Variants in IFFO2 observed in about 807,000 individuals in gnomAD.
IFFO2 encodes the protein intermediate filament family orphan 2.
A neutral mutation model predicts 53.5 loss-of-function variants in IFFO2; 19 were observed. The ratio of observed to expected loss-of-function variants is 0.36; its 90% CI spans 0.25 to 0.52. The LOEUF is 0.52. Among genes scored for constraint, IFFO2 ranks in the 20% least tolerant of loss-of-function variants. IFFO2 has a pLI of 0.94. For missense variants in IFFO2, 570 were observed against 727.4 expected (o/e 0.78, Z 2.49); for synonymous variants, 303 against 313.6 (o/e 0.97, Z 0.36).
At chr1:18,908,895 C>T (rs1307323595) in intron 8 of IFFO2, among the ~76,000 whole-genome samples, 7 of 152,152 alleles carry the variant, frequency 4.6e-5, no homozygotes, top group Non-Finnish European at 8.8e-5. Context: ...GAAGAAAGCC[C>T]CTTGGGAGCT....
Position 18,921,137 on chromosome 1 carries a change from G to A in IFFO2, c.666-16C>T. On this transcript the variant is annotated splice_polypyrimidine_tract_variant and intron_variant, in intron 1 of 8. Coordinates refer to ENST00000455833, the MANE Select transcript of IFFO2 (RefSeq NM_001136265.2). ...CTCCTCCCACCTGCAAAAGCCAAGAGGAACAGGTGGTCAGAAGGTGAGTTC... is the reference window on the plus strand; with the variant it reads ...CTCCTCCCACCTGCAAAAGCCAAGAAGAACAGGTGGTCAGAAGGTGAGTTC... 6.4e-7 allele frequency: 1 copy of A among 1,551,516 alleles called. No individual in the cohort carries two copies. Among genetic ancestry groups the A allele is most frequent in the Non-Finnish European group, 8.7e-7 (1 of 1,146,708 alleles).
chr1:18,946,476 G>A (rs562376198), intron 1 of IFFO2, among the ~76,000 whole-genome samples: 12 of 145,918 alleles, frequency 8.2e-5, no homozygotes, highest in East Asian at 2.0e-4. Flanking sequence ...GTGCAGTGGC[G>A]AGATCTCGGT....
chr1:18,945,560 C>T (rs982559144), intron 1 of IFFO2, among the ~76,000 whole-genome samples: 8 of 152,236 alleles, frequency 5.3e-5, no homozygotes, highest in African/African-American at 4.8e-5. Context: ...GCGCTGTCTC[C>T]GCTGCAGGGG....
Position 18,918,270 on chromosome 1 carries a change from T to A in IFFO2, c.963+92A>T, listed in dbSNP as rs1936164021. 1.4e-5 allele frequency: 18 copies of A among 1,276,748 alleles called. No homozygotes were observed. In the South Asian group the frequency reaches 2.5e-4, roughly 18 times the overall value. The allele number at this position is 1,276,748 out of a possible 1,614,324, so 79.1% of individuals were successfully genotyped here. ...GGAAGGGGAGGGAGTGAGTGGGATG[T>A]GGAGGCAAACGGGTTGGCCGGGCAG... On this transcript the variant is annotated intron_variant, in intron 4 of 8. Transcript: ENST00000455833. This position sits in a 1 kb window ranked among gnomAD's most constrained non-coding sequence, Gnocchi z 5.2.
At chr1:18,920,825 C>A (rs1936206325) in intron 2 of IFFO2, among the ~76,000 whole-genome samples, 1 of 152,338 alleles carries the variant, frequency 6.6e-6, no homozygotes, top group African/African-American at 2.4e-5. Flanking sequence ...TGGACCCAGG[C>A]TTCTCAACCC....
chr1:18,932,516 C>T (rs1179178643), intron 1 of IFFO2, among the ~76,000 whole-genome samples: 1 of 152,244 alleles, frequency 6.6e-6, no homozygotes, highest in East Asian at 1.9e-4. Flanking sequence ...AGCACTTGAC[C>T]GCCTGTGCTC....
rs1354387752 is a variant in IFFO2, at chr1:18,917,803, G to T, written c.963+559C>A. Among the ~76,000 whole-genome samples the T allele has an allele frequency of 1.3e-5, 2 of 152,156 alleles. No homozygotes were observed. The highest frequency in any genetic ancestry group is 4.8e-5 in the African/African-American group (2 of 41,432). On this transcript the variant is annotated intron_variant, in intron 4 of 8. Transcript: ENST00000455833. The surrounding 1 kb of genome is among the most constrained non-coding windows in gnomAD (Gnocchi z 5.9). ...CAGCCTCACTGGCGCTAACCTGATC[G>T]CCGTCTCTCGGGGGCACCCACACTT...
At chr1:18,943,964 T>A (rs1569863129) in intron 1 of IFFO2, among the ~76,000 whole-genome samples, 1 of 151,802 alleles carries the variant, frequency 6.6e-6, no homozygotes, top group Non-Finnish European at 1.5e-5. Context: ...CCTCTGGGAG[T>A]TTTCCAAACC....
In IFFO2 at chr1:18,917,414, G is replaced by A. The variant is rs182689037; in HGVS notation, c.964-372C>T. Among the ~76,000 whole-genome samples the A allele has an allele frequency of 1.3e-4, 20 of 152,268 alleles. No homozygotes were observed. Among genetic ancestry groups the A allele is most frequent in the African/African-American group, 4.6e-4 (19 of 41,552 alleles). On this transcript the variant is annotated intron_variant, in intron 4 of 8. Coordinates refer to ENST00000455833, the MANE Select transcript of IFFO2 (RefSeq NM_001136265.2). This position sits in a 1 kb window ranked among gnomAD's most constrained non-coding sequence, Gnocchi z 5.9. ...AGAGAGATGGAGAACCCCTGACAAA[G>A]GCTATACGGCCCCATGCTGACCAGA...
intron 5 of IFFO2, among the ~76,000 whole-genome samples, chr1:18,912,399 GC>G (rs1936054729): frequency 6.6e-6 from 1 of 151,984 alleles, no homozygotes; most frequent in Admixed American, 6.6e-5. Flanking sequence ...TCATTTAACA[GC>G]TATTTCTTGA....
At chr1:18,912,833 G>C (rs890893203) in intron 5 of IFFO2, among the ~76,000 whole-genome samples, 1 of 152,200 alleles carries the variant, frequency 6.6e-6, no homozygotes, top group Admixed American at 6.5e-5. Flanking sequence ...CAAAGCCTGG[G>C]AGATGTCAAG....
At chr1:18,923,323 T>C (rs1936239923) in intron 1 of IFFO2, among the ~76,000 whole-genome samples, 1 of 152,046 alleles carries the variant, frequency 6.6e-6, no homozygotes, top group African/African-American at 2.4e-5. Context: ...TGAGCAACCA[T>C]CTCATGAGGA....
chr1:18,931,009 A>T lies in IFFO2; in HGVS notation c.666-9888T>A, dbSNP rs573217735. ...AACATAGTGAGATCCCATCCCTACAAAAAATTTTAAAAATTAGCCAGGCAT... is the reference window on the plus strand; with the variant it reads ...AACATAGTGAGATCCCATCCCTACATAAAATTTTAAAAATTAGCCAGGCAT... On this transcript the variant is annotated intron_variant, in intron 1 of 8. Coordinates refer to ENST00000455833, the MANE Select transcript of IFFO2 (RefSeq NM_001136265.2). Among the ~76,000 whole-genome samples, 45 of 152,202 alleles carry T rather than the reference A, an allele frequency of 3.0e-4. No individual in the cohort carries two copies. In the South Asian group the frequency reaches 3.7e-3, roughly 13 times the overall value.
chr1:18,918,406 C>T lies in IFFO2; in HGVS notation c.919G>A (p.Val307Ile). Reference protein sequence around the residue: ...RIDITAKLCDVAQQRNSEDVS... With the variant: ...RIDITAKLCDIAQQRNSEDVS... Reference sequence around the variant, plus strand: ...TCTTCTGAGTTCCGCTGCTGTGCGACATCGCACAGCTTGGCCGTGATATCG... The same window carrying T: ...TCTTCTGAGTTCCGCTGCTGTGCGATATCGCACAGCTTGGCCGTGATATCG... The change falls in exon 4 of 9, where the codon GTC (valine) becomes ATC (isoleucine). Residue 307 changes from valine (V) to isoleucine (I), a missense_variant. Physicochemically the swap from Val to Ile is conservative, Grantham distance 29. Coordinates refer to ENST00000455833, the MANE Select transcript of IFFO2 (RefSeq NM_001136265.2). This position sits in a 1 kb window ranked among gnomAD's most constrained non-coding sequence, Gnocchi z 5.2. 6.4e-7 allele frequency: 1 copy of T among 1,555,270 alleles called. No homozygotes were observed. Among genetic ancestry groups the T allele is most frequent in the Non-Finnish European group, 8.7e-7 (1 of 1,148,816 alleles).
chr1:18,945,740 G>A (rs967365112), intron 1 of IFFO2, among the ~76,000 whole-genome samples: 3 of 152,202 alleles, frequency 2.0e-5, no homozygotes, highest in Non-Finnish European at 4.4e-5. Flanking sequence ...AGGCCCAAAC[G>A]CCATTCGATT....
intron 1 of IFFO2, among the ~76,000 whole-genome samples, chr1:18,939,141 G>A (rs1936488994): frequency 6.6e-6 from 1 of 152,340 alleles, no homozygotes; most frequent in African/African-American, 2.4e-5. Flanking sequence ...GCCACAGGGT[G>A]GGTGGGAGCG....
At chr1:18,911,570 G>A (rs1936040963) in intron 6 of IFFO2, 94 bp from the exon 7 acceptor site, 10 of 567,300 alleles carry the variant, frequency 1.8e-5, no homozygotes, top group Middle Eastern at 6.0e-4. Context: ...ACGGAGTCTC[G>A]CTCTGTCACC....
intron 1 of IFFO2, among the ~76,000 whole-genome samples, chr1:18,938,363 G>C (rs528933147): frequency 5.9e-5 from 9 of 152,208 alleles, no homozygotes; most frequent in Non-Finnish European, 1.3e-4. Flanking sequence ...GGAGGCTACT[G>C]GGAGGGCTGC....
Position 18,916,891 on chromosome 1 carries a change from G to A in IFFO2, c.1103+12C>T, listed in dbSNP as rs28661644. ...GGGAAACGGAGAGTGTGCGGGCCAC[G>A]GGGATACTCACAGCTGGTTAAACAT... On this transcript the variant is annotated intron_variant, in intron 5 of 8. Transcript: ENST00000455833. The surrounding 1 kb of genome is among the most constrained non-coding windows in gnomAD (Gnocchi z 4.3). The A allele has an allele frequency of 3.1e-4, 482 of 1,551,598 alleles. 1 individual carries two copies. Among genetic ancestry groups the A allele is most frequent in the East Asian group, 7.3e-4 (30 of 40,928 alleles).
Sources: gnomAD v4.1 joint callset for allele counts (sites outside exome capture counted in the v4.1 genomes callset) on GRCh38, gnomAD v4.1.1 for gene constraint, Gnocchi (gnomAD v3.1) non-coding constraint, MANE v1.5 for transcripts, NCBI Gene and HGNC (gene_info 2026-07-23, HGNC 2026-07-21) for gene names.